NAT10: variants seen among roughly 807,000 people sequenced by gnomAD.
NAT10 encodes N-acetyltransferase 10.
Under a neutral mutation model 132.2 loss-of-function variants are expected in NAT10, and 109 were observed. That is an observed-to-expected ratio of 0.82 (90% CI 0.71 to 0.97). NAT10 has a LOEUF of 0.97. Ranked by LOEUF, NAT10 falls within the 50% of genes least tolerant of loss-of-function variation. The pLI, the probability that NAT10 is intolerant of heterozygous loss-of-function variation, is 0.00. For synonymous variants in NAT10, 479 were observed against 478.0 expected (o/e 1.00, Z -0.03); for missense variants, 1,184 against 1,263.4 (o/e 0.94, Z 0.95).
intron 5 of NAT10, among the ~76,000 whole-genome samples, chr11:34,115,069 T>C (rs1851760734): frequency 6.6e-6 from 1 of 152,120 alleles, no homozygotes; most frequent in East Asian, 1.9e-4. Flanking sequence ...GGCAGGAGAA[T>C]TGCTTGAACT....
chr11:34,115,906 A>G lies in NAT10; in HGVS notation c.557+22A>G, dbSNP rs200575574. The G allele has an allele frequency of 7.8e-4, 1,254 of 1,612,312 alleles. 5 individuals are homozygous for G. Among genetic ancestry groups the G allele is most frequent in the Admixed American group, 7.5e-3 (451 of 59,818 alleles). On this transcript the variant is annotated intron_variant, in intron 6 of 28. Coordinates refer to ENST00000257829, the MANE Select transcript of NAT10 (RefSeq NM_024662.3). The stretch of plus-strand genomic sequence containing the variant: ...AAAGGTAATTCTATAGTTCCCCCCA[A>G]TTGTGGGGCAGCCACATTGGGAGGG...
At chr11:34,129,596 CTTCTTTTT>C (rs1332474472) in intron 12 of NAT10, among the ~76,000 whole-genome samples, 16 of 102,366 alleles carry the variant, frequency 1.6e-4, no homozygotes, top group African/African-American at 4.8e-4. Flanking sequence ...TCTTCTTCTT[CTTCTTTTT>C]TTTTTTTTTT....
chr11:34,108,176 G>A (rs894316040), intron 1 of NAT10, 35 bp from the exon 2 acceptor site: 1 of 1,428,412 alleles, frequency 7.0e-7, no homozygotes, highest in African/African-American at 1.4e-5. Flanking sequence ...AGACAATCTA[G>A]TGCGCATGGC....
At chr11:34,139,533 G>T (rs1416808527) in intron 23 of NAT10, 38 bp downstream of exon 23, 2 of 1,570,754 alleles carry the variant, frequency 1.3e-6, no homozygotes, top group Non-Finnish European at 1.8e-6. Context: ...GTTGGGAATG[G>T]CTTGGCTGTG....
intron 6 of NAT10, 43 bp downstream of exon 6, chr11:34,115,927 G>GA: frequency 6.3e-7 from 1 of 1,597,826 alleles, no homozygotes; most frequent in Middle Eastern, 1.7e-4. Flanking sequence ...GCCACATTGG[G>GA]AGGGACATTT....
chr11:34,143,398 C>A, intron 27 of NAT10, 47 bp from the exon 28 acceptor site: 4 of 1,498,282 alleles, frequency 2.7e-6, no homozygotes, highest in East Asian at 2.3e-5. Context: ...CTTAAGCAGT[C>A]CCCTCTTCTT....
intron 21 of NAT10, among the ~76,000 whole-genome samples, chr11:34,137,430 T>C (rs1590780075): frequency 6.6e-6 from 1 of 152,064 alleles, no homozygotes; most frequent in East Asian, 1.9e-4. Context: ...GGGAGTTCTT[T>C]TTTGATGTTA....
intron 26 of NAT10, 55 bp downstream of exon 26, chr11:34,141,872 G>A: frequency 2.1e-6 from 3 of 1,445,732 alleles, no homozygotes; most frequent in Non-Finnish European, 2.9e-6. Context: ...GTTGCCTTAG[G>A]CTGTGAATTC....
intron 19 of NAT10, among the ~76,000 whole-genome samples, chr11:34,136,065 C>T (rs1852206603): frequency 6.6e-6 from 1 of 151,628 alleles, no homozygotes; most frequent in Non-Finnish European, 1.5e-5. Flanking sequence ...CTGCCTGTCC[C>T]TTTGTAAATC....
intron 24 of NAT10, 131 bp from the exon 25 acceptor site, chr11:34,140,958 G>A (rs997166811): frequency 2.0e-5 from 24 of 1,221,888 alleles, no homozygotes; most frequent in Non-Finnish European, 2.8e-5. Context: ...AAGAGAAGAT[G>A]CCAATATACA....
intron 24 of NAT10, 42 bp from the exon 25 acceptor site, chr11:34,141,027 CGCCATTTTAATGGGCAAGGG>C (rs1565119820): frequency 1.2e-6 from 2 of 1,607,224 alleles, no homozygotes; most frequent in East Asian, 4.5e-5. Context: ...TGGTTCTTGG[CGCCATTTTAATGGGCAAGGG>C]CGTGTCCTAG....
At chr11:34,109,301 C>T (rs1045497580) in intron 3 of NAT10, among the ~76,000 whole-genome samples, 1 of 152,196 alleles carries the variant, frequency 6.6e-6, no homozygotes, top group Non-Finnish European at 1.5e-5. Flanking sequence ...CCTTTGGAAA[C>T]TTTCTCCTTC....
At chr11:34,126,590 AC>A (rs1457212444) in intron 11 of NAT10, among the ~76,000 whole-genome samples, 2 of 152,172 alleles carry the variant, frequency 1.3e-5, no homozygotes, top group African/African-American at 2.4e-5. Context: ...ATACCAGTTT[AC>A]CCCCATGCCA....
At position 34,140,405 on chromosome 11, in the gene NAT10, A is replaced by G; in HGVS notation, c.2425A>G (p.Ser809Gly). 1 of 1,613,448 alleles carries G rather than the reference A, an allele frequency of 6.2e-7. No individual in the cohort carries two copies. The highest frequency in any genetic ancestry group is 8.5e-7 in the Non-Finnish European group (1 of 1,179,460). The change falls in exon 24 of 29, where the codon AGC (serine) becomes GGC (glycine). Residue 809 changes from serine to glycine, a missense_variant. Coordinates refer to ENST00000257829, the MANE Select transcript of NAT10 (RefSeq NM_024662.3). ...NMGKPAQPAL[S>G]REELEALFLP... ...GCTCTCTATCCCATGGACAGCCCTG[A>G]GCCGGGAGGAGCTGGAAGCACTCTT... is the stretch of plus-strand genomic sequence containing the variant.
In NAT10 at chr11:34,116,008, G is replaced by C. The variant is rs1470321396; in HGVS notation, c.557+124G>C. On this transcript the variant is annotated intron_variant, in intron 6 of 28. Coordinates refer to ENST00000257829, the MANE Select transcript of NAT10 (RefSeq NM_024662.3). The stretch of plus-strand genomic sequence containing the variant: ...TAGTACAATATTCCAAAAATGATGA[G>C]ATTCTTGACAGCAGCAGCAGTTGTG... 3.6e-6 allele frequency: 3 copies of C among 843,260 alleles called. No individual in the cohort carries two copies. In the Admixed American group the frequency reaches 8.0e-5, roughly 22 times the overall value. 52.2% of individuals were successfully genotyped at this position (843,260 alleles called of 1,614,324 possible).
rs534424241 is a variant in NAT10, at chr11:34,143,229, C to T, written c.2886-216C>T. On this transcript the variant is annotated intron_variant, in intron 27 of 28. Transcript: ENST00000257829. ...CCAGCAGGCCTGGTGACCCTCGCTC[C>T]TGTGGAGCTTCTATCCATAGAGCTA... 5.9e-5 allele frequency among the ~76,000 whole-genome samples: 9 copies of T among 152,338 alleles called. No individual in the cohort carries two copies. The East Asian group carries it at 1.7e-3, about 29-fold the overall frequency.
rs1851949421 is a variant in NAT10, at chr11:34,124,392, A to G, written c.1099A>G (p.Thr367Ala). Residue 367 changes from threonine to alanine, a missense_variant, in exon 11 of 29, where the codon ACT becomes GCT. By Grantham distance (58) the Thr-to-Ala change is moderately conservative (BLOSUM62 0). Transcript: ENST00000257829. The stretch of plus-strand genomic sequence containing the variant: ...GAATGTATTTCGAGAACACAGGCAG[A>G]CTATTCAGGTGAGGCTTGTTCTCAG... ...RVNVFREHRQ[T>A]IQYIHPADAV... The G allele has an allele frequency of 6.2e-7, 1 of 1,613,226 alleles. No homozygotes were observed. The highest frequency in any genetic ancestry group is 8.5e-7 in the Non-Finnish European group (1 of 1,179,292).
intron 21 of NAT10, among the ~76,000 whole-genome samples, chr11:34,138,492 A>G (rs756192133): frequency 3.9e-5 from 6 of 152,204 alleles, no homozygotes; most frequent in Non-Finnish European, 7.3e-5. Context: ...GCTTCCGTGC[A>G]GGCAGGGAGC....
intron 3 of NAT10, among the ~76,000 whole-genome samples, chr11:34,110,846 G>T (rs1851682049): frequency 6.6e-6 from 1 of 152,068 alleles, no homozygotes; most frequent in South Asian, 2.1e-4. Flanking sequence ...AATGTGAAAA[G>T]TGCAGAAAAC....
Sources: allele counts gnomAD v4.1 joint callset (sites outside exome capture counted in the v4.1 genomes callset), GRCh38; gene constraint gnomAD v4.1.1; transcripts MANE v1.5; gene names NCBI Gene and HGNC (gene_info 2026-07-23, HGNC 2026-07-21).